NDST3: variants seen among roughly 807,000 people sequenced by gnomAD.
NDST3 encodes the protein bifunctional heparan sulfate N-deacetylase/N-sulfotransferase 3.
A neutral mutation model predicts 96.1 loss-of-function variants in NDST3; 58 were observed. The observed-to-expected ratio is 0.60, with a 90% CI of 0.49 to 0.75. The LOEUF is 0.75. Among genes scored for constraint, NDST3 ranks in the 30% least tolerant of loss-of-function variants. NDST3 has a pLI of 0.00. For missense variants in NDST3, 788 were observed against 1,034.2 expected, an observed-to-expected ratio of 0.76 and a Z score of 3.27; for synonymous variants, 333 against 359.7, an observed-to-expected ratio of 0.93 and a Z score of 0.84.
chr4:118,072,485 T>C (rs1727165095), intron 2 of NDST3, among the ~76,000 whole-genome samples: 1 of 152,056 alleles, frequency 6.6e-6, no homozygotes, highest in Admixed American at 6.6e-5. Flanking sequence ...GGTTTGTGAA[T>C]GGCTATTGTG....
intron 6 of NDST3, among the ~76,000 whole-genome samples, chr4:118,199,940 T>C (rs1428119830): frequency 2.0e-5 from 3 of 152,196 alleles, no homozygotes; most frequent in Non-Finnish European, 4.4e-5. Context: ...AGAGGTGGAA[T>C]GACACAAGCA....
chr4:118,205,106 C>T (rs1204041304), intron 6 of NDST3, among the ~76,000 whole-genome samples: 1 of 143,854 alleles, frequency 7.0e-6, no homozygotes, highest in Non-Finnish European at 1.5e-5. Flanking sequence ...GTTATCATTG[C>T]TTCTATTTTC....
At chr4:118,114,291 CTTCTTTTCTCT>C (rs1393219572) in intron 3 of NDST3, among the ~76,000 whole-genome samples, 4 of 152,114 alleles carry the variant, frequency 2.6e-5, no homozygotes, top group Admixed American at 1.3e-4. Context: ...TCCACATTTC[CTTCTTTTCTCT>C]TTCTTATGTG....
chr4:118,039,970 C>G (rs1387359060), intron 1 of NDST3, among the ~76,000 whole-genome samples: 1 of 152,124 alleles, frequency 6.6e-6, no homozygotes, highest in Non-Finnish European at 1.5e-5. Context: ...AGGATCTCAG[C>G]TGGAAAGAAG....
At chr4:118,102,536 A>G (rs951324947) in intron 2 of NDST3, among the ~76,000 whole-genome samples, 1 of 152,124 alleles carries the variant, frequency 6.6e-6, no homozygotes, top group Admixed American at 6.6e-5. Flanking sequence ...ATTTTATATC[A>G]TTTTTATATT....
intron 2 of NDST3, among the ~76,000 whole-genome samples, chr4:118,078,073 AT>A (rs1727708566): frequency 6.6e-6 from 1 of 151,838 alleles, no homozygotes; most frequent in Admixed American, 6.6e-5. Flanking sequence ...GAGCCAGGGG[AT>A]TTTTTCATTC....
chr4:118,221,427 T>A (rs1739534503), intron 6 of NDST3, among the ~76,000 whole-genome samples: 2 of 152,006 alleles, frequency 1.3e-5, no homozygotes, highest in Non-Finnish European at 2.9e-5. Flanking sequence ...TTTTTTCACA[T>A]CCACATTTCC....
At chr4:118,156,518 T>C (rs768936391) in intron 6 of NDST3, among the ~76,000 whole-genome samples, 2 of 152,174 alleles carry the variant, frequency 1.3e-5, no homozygotes, top group Non-Finnish European at 2.9e-5. Flanking sequence ...TAAAAGACAA[T>C]GTGTTTCCCA....
intron 2 of NDST3, among the ~76,000 whole-genome samples, chr4:118,104,081 G>C (rs34915366): frequency 0.22 from 33,665 of 152,066 alleles, 3,943 homozygotes; most frequent in African/African-American, 0.28. Flanking sequence ...TTATAATTAA[G>C]AAAATAAGAT....
intron 6 of NDST3, among the ~76,000 whole-genome samples, chr4:118,189,163 C>T (rs774236268): frequency 6.6e-6 from 1 of 152,138 alleles, no homozygotes; most frequent in Admixed American, 6.5e-5. Context: ...GACCCTCCCA[C>T]CCCAGCTTCC....
chr4:118,134,080 T>G (rs1419677953), intron 4 of NDST3, among the ~76,000 whole-genome samples: 1 of 152,208 alleles, frequency 6.6e-6, no homozygotes, highest in Non-Finnish European at 1.5e-5. Flanking sequence ...GTCAGTAAAG[T>G]CTTCTCCAAA....
chr4:118,257,088 C>T lies in NDST3; in HGVS notation c.*1376C>T, dbSNP rs1742165215. 6.6e-6 allele frequency: 1 copy of T among 151,488 alleles called. No homozygotes were observed. The highest frequency in any genetic ancestry group is 1.5e-5 in the Non-Finnish European group (1 of 67,906). 9.4% of individuals were successfully genotyped at this position (151,488 alleles called of 1,614,324 possible). ...ATAATATATATGGTTAATAAAGTTT[C>T]CAAAAAAGAAAAGAATACATCATAC... On this transcript the variant is annotated 3_prime_UTR_variant, in exon 14 of 14. Coordinates refer to ENST00000296499, the MANE Select transcript of NDST3 (RefSeq NM_004784.3).
At chr4:118,254,904 G>GAT (rs1220198658) in intron 13 of NDST3, among the ~76,000 whole-genome samples, 1 of 152,032 alleles carries the variant, frequency 6.6e-6, no homozygotes, top group Non-Finnish European at 1.5e-5. Context: ...CTGTTATTTT[G>GAT]ATAAACAAAC....
intron 2 of NDST3, among the ~76,000 whole-genome samples, chr4:118,064,010 C>T (rs1035330052): frequency 4.6e-5 from 7 of 152,148 alleles, no homozygotes; most frequent in African/African-American, 1.7e-4. Flanking sequence ...AAGCTTTGCC[C>T]TAGATTTACC....
chr4:118,119,091 A>G lies in NDST3; in HGVS notation c.1224+4131A>G, dbSNP rs564587818. 3.3e-3 allele frequency among the ~76,000 whole-genome samples: 506 copies of G among 152,336 alleles called. 2 individuals carry two copies. Among genetic ancestry groups the G allele is most frequent in the African/African-American group, 0.012 (490 of 41,588 alleles). On this transcript the variant is annotated intron_variant, in intron 4 of 13. Coordinates refer to ENST00000296499, the MANE Select transcript of NDST3 (RefSeq NM_004784.3). Reference sequence around the variant, plus strand: ...GTAGTAGAACAATGTTCCTGATAACATAAAATCTTACTGAAGATTGAACTT... The same window carrying G: ...GTAGTAGAACAATGTTCCTGATAACGTAAAATCTTACTGAAGATTGAACTT...
intron 2 of NDST3, among the ~76,000 whole-genome samples, chr4:118,077,650 G>C (rs1350063040): frequency 4.6e-5 from 7 of 152,194 alleles, no homozygotes; most frequent in Non-Finnish European, 7.3e-5. Context: ...TTCGGAGGGA[G>C]GTACACCCCA....
intron 3 of NDST3, among the ~76,000 whole-genome samples, chr4:118,113,343 T>C (rs1477686725): frequency 6.6e-6 from 1 of 152,234 alleles, no homozygotes; most frequent in Non-Finnish European, 1.5e-5. Flanking sequence ...GATTTAAATA[T>C]GTAATCTTTG....
At chr4:118,227,952 C>A (rs1560731653) in intron 8 of NDST3, among the ~76,000 whole-genome samples, 1 of 152,170 alleles carries the variant, frequency 6.6e-6, no homozygotes, top group Non-Finnish European at 1.5e-5. Context: ...TAAAATGAAG[C>A]ATCATGGAAG....
intron 11 of NDST3, 76 bp from the exon 12 acceptor site, chr4:118,241,964 T>A: frequency 9.7e-7 from 1 of 1,034,354 alleles, no homozygotes; most frequent in Non-Finnish European, 1.5e-6. Flanking sequence ...ACTGAATGAG[T>A]TTAGAATGCA....
Sources: gnomAD v4.1 joint callset for allele counts (sites outside exome capture counted in the v4.1 genomes callset) on GRCh38, gnomAD v4.1.1 for gene constraint, MANE v1.5 for transcripts, NCBI Gene and HGNC (gene_info 2026-07-23, HGNC 2026-07-21) for gene names.